CCNYL1: variants seen among roughly 807,000 people sequenced by gnomAD.
CCNYL1 encodes the protein cyclin Y like 1.
A neutral mutation model predicts 44.2 loss-of-function variants in CCNYL1; 16 were observed. That is an observed-to-expected ratio of 0.36 (90% CI 0.25 to 0.55). The LOEUF is 0.55. Among genes scored for constraint, CCNYL1 ranks in the 20% least tolerant of loss-of-function variants. The pLI, the probability that CCNYL1 is intolerant of heterozygous loss-of-function variation, is 0.85. For synonymous variants in CCNYL1, 159 were observed against 163.2 expected, an observed-to-expected ratio of 0.97 and a Z score of 0.20; for missense variants, 348 against 451.8, an observed-to-expected ratio of 0.77 and a Z score of 2.08.
At position 207,745,367 on chromosome 2, in the gene CCNYL1, G is replaced by T. The variant is rs994955605; in HGVS notation, c.640-1680G>T. Among the ~76,000 whole-genome samples the T allele has an allele frequency of 3.3e-5, 5 of 152,314 alleles. No individual in the cohort carries two copies. In the East Asian group the frequency reaches 9.6e-4, roughly 29 times the overall value. Reference sequence around the variant, plus strand: ...AGAACTCTCACACTGACACAGGAGGGCAAGTGGTATCAGTGAGCATCAGCA... The same window carrying T: ...AGAACTCTCACACTGACACAGGAGGTCAAGTGGTATCAGTGAGCATCAGCA... On this transcript the variant is annotated intron_variant, in intron 7 of 9. Coordinates refer to ENST00000295414, the MANE Select transcript of CCNYL1 (RefSeq NM_001330218.2).
chr2:207,712,160 C>T (rs773210102), intron 1 of CCNYL1, 44 bp downstream of exon 1: 14 of 1,522,888 alleles, frequency 9.2e-6, no homozygotes, highest in South Asian at 5.8e-5. Context: ...CTCACCTCTG[C>T]CCGCCTCCTC....
chr2:207,756,142 A>G lies in CCNYL1; in HGVS notation c.*2444A>G, dbSNP rs1482253655. ...TGTGGTTTTTATTTCTCATGTTTAT[A>G]TTAAAAGCTAATAAACTCTATTTTA... On this transcript the variant is annotated 3_prime_UTR_variant, in exon 10 of 10. Coordinates refer to ENST00000295414, the MANE Select transcript of CCNYL1 (RefSeq NM_001330218.2). 6.6e-6 allele frequency: 1 copy of G among 152,242 alleles called. No individual in the cohort carries two copies. The highest frequency in any genetic ancestry group is 1.5e-5 in the Non-Finnish European group (1 of 68,042). 9.4% of individuals were successfully genotyped at this position (152,242 alleles called of 1,614,324 possible).
chr2:207,730,783 C>T (rs933106946), intron 3 of CCNYL1, among the ~76,000 whole-genome samples: 1 of 152,010 alleles, frequency 6.6e-6, no homozygotes, highest in African/African-American at 2.4e-5. Flanking sequence ...AATTTATAAA[C>T]TCTGTCTCAA....
intron 3 of CCNYL1, among the ~76,000 whole-genome samples, chr2:207,729,085 C>T (rs1440272724): frequency 1.3e-5 from 2 of 152,200 alleles, no homozygotes; most frequent in Non-Finnish European, 2.9e-5. Flanking sequence ...GCATGAGCCA[C>T]CGCACCCGGC....
At chr2:207,746,260 G>A (rs2091854440) in intron 7 of CCNYL1, among the ~76,000 whole-genome samples, 1 of 152,204 alleles carries the variant, frequency 6.6e-6, no homozygotes, top group Non-Finnish European at 1.5e-5. Flanking sequence ...TTGACCAGCA[G>A]TTCTTCAAGC....
intron 1 of CCNYL1, chr2:207,714,456 C>CCAGCTAAT: frequency 2.7e-6 from 1 of 368,228 alleles, no homozygotes; most frequent in South Asian, 2.1e-5. Context: ...GCCATCTTGC[C>CCAGCTAAT]TGGCTCCATC....
intron 1 of CCNYL1, among the ~76,000 whole-genome samples, chr2:207,720,247 G>A (rs1201377986): frequency 1.3e-5 from 2 of 150,708 alleles, no homozygotes; most frequent in Admixed American, 1.3e-4. Context: ...CAGATATATG[G>A]CATATAGGAT....
intron 1 of CCNYL1, among the ~76,000 whole-genome samples, chr2:207,722,481 T>C (rs1405682639): frequency 6.6e-6 from 1 of 152,238 alleles, no homozygotes; most frequent in Non-Finnish European, 1.5e-5. Flanking sequence ...GTGTGAAGCC[T>C]GCTCCTCTTT....
chr2:207,718,503 C>CAAA (rs113724218), intron 1 of CCNYL1, among the ~76,000 whole-genome samples: 1 of 118,192 alleles, frequency 8.5e-6, no homozygotes. Context: ...GAGACTGTCT[C>CAAA]AAAAAAAAAA....
rs532972977 is a variant in CCNYL1, at chr2:207,753,880, G to A, written c.*182G>A. 8.4e-5 allele frequency: 43 copies of A among 510,810 alleles called. No individual in the cohort carries two copies. In the South Asian group the frequency reaches 1.2e-3, roughly 14 times the overall value. The allele number at this position is 510,810 out of a possible 1,614,324, so 31.6% of individuals were successfully genotyped here. ...CAGGAAAGAATGGGACCTTGTCAAT[G>A]CAACAAAACACTCTTCTGTCCTTTT... On this transcript the variant is annotated 3_prime_UTR_variant, in exon 10 of 10. Coordinates refer to ENST00000295414, the MANE Select transcript of CCNYL1 (RefSeq NM_001330218.2).
chr2:207,720,918 T>C (rs1272819142), intron 1 of CCNYL1, among the ~76,000 whole-genome samples: 1 of 152,000 alleles, frequency 6.6e-6, no homozygotes, highest in East Asian at 1.9e-4. Context: ...AGATTTAGGA[T>C]TGTCAGAAGC....
Position 207,726,875 on chromosome 2 carries a change from A to G in CCNYL1, c.329A>G (p.His110Arg). ...AAGAGGAAGAGCAACCATTTGAACCATGTAAGTAAACAGTTGGAAAGCTAA... is the reference window on the plus strand; with the variant it reads ...AAGAGGAAGAGCAACCATTTGAACCGTGTAAGTAAACAGTTGGAAAGCTAA... ...REKRKSNHLN[H>R]VSPGQLTKKY... Residue 110 changes from histidine to arginine, a missense_variant and splice_region_variant, in exon 3 of 10, where the codon CAT (histidine) becomes CGT (arginine). His to Arg is a conservative substitution (Grantham distance 29). Transcript: ENST00000295414. The G allele has an allele frequency of 6.4e-7, 1 of 1,553,550 alleles. No individual in the cohort carries two copies. The highest frequency in any genetic ancestry group is 2.2e-5 in the Admixed American group (1 of 45,686).
At chr2:207,734,531 T>A (rs764196876) in intron 4 of CCNYL1, among the ~76,000 whole-genome samples, 5 of 152,246 alleles carry the variant, frequency 3.3e-5, no homozygotes, top group Non-Finnish European at 7.3e-5. Context: ...CAATCTGAGA[T>A]GCACTTTCAG....
At chr2:207,747,016 T>C (rs754923848) in intron 7 of CCNYL1, 31 bp from the exon 8 acceptor site, 2 of 1,531,810 alleles carry the variant, frequency 1.3e-6, no homozygotes, top group East Asian at 2.3e-5. Flanking sequence ...TAAACTGAAC[T>C]AAAATCAAAG....
At chr2:207,730,888 A>T (rs2091721172) in intron 3 of CCNYL1, among the ~76,000 whole-genome samples, 2 of 152,192 alleles carry the variant, frequency 1.3e-5, no homozygotes, top group South Asian at 4.1e-4. Flanking sequence ...TTCTAATGAA[A>T]TTTCAGGAGG....
At chr2:207,712,236 C>T in intron 1 of CCNYL1, 120 bp downstream of exon 1, 2 of 779,708 alleles carry the variant, frequency 2.6e-6, no homozygotes, top group Non-Finnish European at 4.0e-6. Context: ...GGCCCCGGGA[C>T]GAAGGCTGGT....
At chr2:207,727,725 G>A (rs1187357110) in intron 3 of CCNYL1, among the ~76,000 whole-genome samples, 1 of 152,084 alleles carries the variant, frequency 6.6e-6, no homozygotes, top group Admixed American at 6.6e-5. Flanking sequence ...AATATAGACG[G>A]GTTTTTCCTA....
At chr2:207,737,008 C>T (rs971921108) in intron 4 of CCNYL1, among the ~76,000 whole-genome samples, 5 of 151,932 alleles carry the variant, frequency 3.3e-5, no homozygotes, top group Non-Finnish European at 7.4e-5. Flanking sequence ...CTCTGCCTCC[C>T]GGGTTCACGC....
intron 3 of CCNYL1, 128 bp from the exon 4 acceptor site, chr2:207,733,819 C>T (rs2091746207): frequency 3.2e-6 from 2 of 628,718 alleles, no homozygotes; most frequent in South Asian, 4.0e-5. Context: ...TGATACTACA[C>T]TCAGGCAGTT....
Sources: gnomAD v4.1 joint callset for allele counts (sites outside exome capture counted in the v4.1 genomes callset) on GRCh38, gnomAD v4.1.1 for gene constraint, MANE v1.5 for transcripts, NCBI Gene and HGNC (gene_info 2026-07-23, HGNC 2026-07-21) for gene names.